The following MBNL2 variants were observed in gnomAD, a reference collection of about 807,000 sequenced individuals.
The protein encoded by MBNL2 is muscleblind-like protein 2.
Under a neutral mutation model 41.9 loss-of-function variants are expected in MBNL2, and 17 were observed. The observed-to-expected ratio is 0.41, with a 90% CI of 0.28 to 0.61. MBNL2 has a LOEUF of 0.61. Among genes scored for constraint, MBNL2 ranks in the 20% least tolerant of loss-of-function variants. The pLI is 0.35. For synonymous variants in MBNL2, 195 were observed against 182.9 expected, an observed-to-expected ratio of 1.07 and a Z score of -0.53; for missense variants, 336 against 505.6, an observed-to-expected ratio of 0.66 and a Z score of 3.22.
intron 8 of MBNL2, among the ~76,000 whole-genome samples, chr13:97,370,141 A>T (rs1194564332): frequency 1.3e-5 from 2 of 152,122 alleles, no homozygotes; most frequent in Non-Finnish European, 2.9e-5. Context: ...TACAATGATC[A>T]TCATCCCATT....
the MBNL2 span, among the ~76,000 whole-genome samples, chr13:97,215,062 C>A: frequency 6.6e-6 from 1 of 152,368 alleles, no homozygotes; most frequent in African/African-American, 2.4e-5. Flanking sequence ...CCTGGAGAAC[C>A]ATAGGCTTCG....
chr13:97,167,684 T>C, the MBNL2 span, among the ~76,000 whole-genome samples: 2 of 152,166 alleles, frequency 1.3e-5, no homozygotes, highest in Admixed American at 1.3e-4. Flanking sequence ...ACTAAAGGTC[T>C]CCATTCTATA....
the MBNL2 span, among the ~76,000 whole-genome samples, chr13:97,214,691 G>A: frequency 4.6e-3 from 695 of 152,282 alleles, 3 homozygotes; most frequent in South Asian, 0.01. Context: ...CACCTTTCAG[G>A]CTTGGACATT....
Position 97,275,665 on chromosome 13 carries a change from T to A in MBNL2, c.-571T>A, listed in dbSNP as rs925428378. The A allele has an allele frequency of 6.6e-6, 1 of 152,248 alleles. No individual in the cohort carries two copies. Among genetic ancestry groups the A allele is most frequent in the Non-Finnish European group, 1.5e-5 (1 of 68,058 alleles). 9.4% of individuals were successfully genotyped at this position (152,248 alleles called of 1,614,324 possible). On this transcript the variant is annotated 5_prime_UTR_variant, in exon 2 of 9. Coordinates refer to ENST00000679496, the MANE Select transcript of MBNL2 (RefSeq NM_001382683.1). The stretch of plus-strand genomic sequence containing the variant: ...TTTAAAAGTGCCTGTGTGAAGTCAC[T>A]TTTGCTGGAAAACTGCAGCTTGGGA...
intron 6 of MBNL2, 87 bp from the exon 7 acceptor site, chr13:97,357,395 A>G: frequency 8.7e-7 from 1 of 1,147,044 alleles, no homozygotes; most frequent in Non-Finnish European, 1.3e-6. Context: ...CATTTTTAAA[A>G]AGAATGTTGC....
chr13:97,354,039 CAA>C (rs61536908), intron 5 of MBNL2, among the ~76,000 whole-genome samples: 35 of 101,836 alleles, frequency 3.4e-4, no homozygotes, highest in Admixed American at 7.2e-4. Flanking sequence ...GTCCTCAATC[CAA>C]AAAAAAAAAA....
chr13:97,185,939 G>A, the MBNL2 span, among the ~76,000 whole-genome samples: 6 of 152,124 alleles, frequency 3.9e-5, no homozygotes, highest in Admixed American at 2.0e-4. Flanking sequence ...CCTCTCACCC[G>A]GCATTCCACT....
At chr13:97,247,186 A>G (rs1401190565) in intron 1 of MBNL2, among the ~76,000 whole-genome samples, 1 of 152,218 alleles carries the variant, frequency 6.6e-6, no homozygotes, top group Non-Finnish European at 1.5e-5. Context: ...TTTAACTAAC[A>G]CATGAAGAGA....
intron 5 of MBNL2, among the ~76,000 whole-genome samples, chr13:97,351,834 G>A (rs1236298170): frequency 2.0e-5 from 3 of 152,028 alleles, no homozygotes; most frequent in Non-Finnish European, 4.4e-5. Context: ...GACCAGCCTG[G>A]CCAACATGGT....
intron 5 of MBNL2, among the ~76,000 whole-genome samples, chr13:97,352,696 A>G (rs2153098981): frequency 6.6e-6 from 1 of 152,376 alleles, no homozygotes; most frequent in East Asian, 1.9e-4. Context: ...GATAGACTCA[A>G]CATAGGGTTG....
intron 8 of MBNL2, among the ~76,000 whole-genome samples, chr13:97,387,808 G>T (rs2066050706): frequency 6.6e-6 from 1 of 152,188 alleles, no homozygotes; most frequent in African/African-American, 2.4e-5. Flanking sequence ...ACTCTAGCTT[G>T]TAAATTCTCA....
chr13:97,358,779 A>G (rs1295638961), intron 7 of MBNL2, among the ~76,000 whole-genome samples: 1 of 152,228 alleles, frequency 6.6e-6, no homozygotes, highest in Admixed American at 6.5e-5. Context: ...AATTCTAACA[A>G]AAAGAGTTTT....
intron 2 of MBNL2, among the ~76,000 whole-genome samples, chr13:97,292,485 C>T (rs188313149): frequency 1.6e-4 from 24 of 152,244 alleles, no homozygotes; most frequent in African/African-American, 5.5e-4. Flanking sequence ...TATCTTGGTT[C>T]GTCTTGAGAT....
the MBNL2 span, among the ~76,000 whole-genome samples, chr13:97,205,251 C>T: frequency 6.8e-6 from 1 of 147,382 alleles, no homozygotes; most frequent in Non-Finnish European, 1.5e-5. Context: ...TTAGTACCTG[C>T]TTGGTGACAC....
the MBNL2 span, among the ~76,000 whole-genome samples, chr13:97,210,571 ATTTTTTTTTTTTTTTTTTTTTTTT>A: frequency 0.017 from 1,141 of 65,492 alleles, 26 homozygotes; most frequent in Non-Finnish European, 0.024. Context: ...ACAACTGTGA[ATTTTTTTTTTTTTTTTTTTTTTTT>A]TTTTTTTTTT....
chr13:97,186,420 G>A, the MBNL2 span, among the ~76,000 whole-genome samples: 2 of 152,160 alleles, frequency 1.3e-5, no homozygotes, highest in Non-Finnish European at 2.9e-5. Flanking sequence ...CCTACACGGA[G>A]AGCTGCTCAG....
At chr13:97,260,866 A>T (rs764680103) in intron 1 of MBNL2, among the ~76,000 whole-genome samples, 4 of 151,616 alleles carry the variant, frequency 2.6e-5, no homozygotes, top group African/African-American at 7.3e-5. Context: ...TTTTTTTTTT[A>T]AATTAGCACA....
rs966084670 is a variant in MBNL2, at chr13:97,339,877, G to A, written c.340-3139G>A. 1.1e-4 allele frequency among the ~76,000 whole-genome samples: 16 copies of A among 148,952 alleles called. 1 individual carries two copies. The highest frequency in any genetic ancestry group is 3.8e-4 in the African/African-American group (15 of 39,422). ...GGGCAACTGATTTGTGTGTGGGCGGGGGGGGCGTTGTTTTTCCTCTTTTGT... is the reference window on the plus strand; with the variant it reads ...GGGCAACTGATTTGTGTGTGGGCGGAGGGGGCGTTGTTTTTCCTCTTTTGT... On this transcript the variant is annotated intron_variant, in intron 3 of 8. Transcript: ENST00000679496.
intron 3 of MBNL2, among the ~76,000 whole-genome samples, chr13:97,339,992 A>G (rs2061321553): frequency 6.6e-6 from 1 of 151,972 alleles, no homozygotes; most frequent in African/African-American, 2.4e-5. Context: ...TTCTGCCTTG[A>G]CTTTGCCTTG....
Sources: allele counts gnomAD v4.1 joint callset (sites outside exome capture counted in the v4.1 genomes callset), GRCh38; gene constraint gnomAD v4.1.1; transcripts MANE v1.5; gene names NCBI Gene and HGNC (gene_info 2026-07-23, HGNC 2026-07-21).